The following PPP2R3A variants were observed in gnomAD, a reference collection of about 807,000 sequenced individuals.
PPP2R3A encodes the protein serine/threonine-protein phosphatase 2A regulatory subunit B'' subunit alpha.
A neutral mutation model predicts 106.9 loss-of-function variants in PPP2R3A; 80 were observed. That is an observed-to-expected ratio of 0.75 (90% confidence interval 0.62 to 0.90). PPP2R3A has a LOEUF of 0.90. PPP2R3A is among the 40% of genes least tolerant of loss of function. The pLI is 0.00. For synonymous variants in PPP2R3A, 483 were observed against 468.3 expected (o/e 1.03, Z -0.41); for missense variants, 1,386 against 1,350.4 (o/e 1.03, Z -0.41).
chr3:136,043,501 A>C (rs766978440), intron 4 of PPP2R3A, among the ~76,000 whole-genome samples: 40 of 152,170 alleles, frequency 2.6e-4, no homozygotes, highest in Admixed American at 1.8e-3. Context: ...CTCATGTCAG[A>C]CTGCTCATGG....
chr3:136,125,875 CA>C (rs1186484755), intron 13 of PPP2R3A, among the ~76,000 whole-genome samples: 8 of 152,146 alleles, frequency 5.3e-5, no homozygotes, highest in Admixed American at 4.6e-4. Flanking sequence ...GAAAAAATGA[CA>C]AAAAGCACAT....
chr3:136,143,446 A>G (rs1013730769), intron 13 of PPP2R3A, among the ~76,000 whole-genome samples: 3 of 151,788 alleles, frequency 2.0e-5, no homozygotes, highest in African/African-American at 7.3e-5. Flanking sequence ...AACCAAGATC[A>G]TGCCACTGCA....
intron 2 of PPP2R3A, among the ~76,000 whole-genome samples, chr3:136,010,098 A>G (rs1431582919): frequency 1.3e-5 from 2 of 152,026 alleles, no homozygotes; most frequent in Admixed American, 1.3e-4. Flanking sequence ...ACCCTCAGCT[A>G]ATCTTGTTTC....
intron 13 of PPP2R3A, chr3:136,106,697 G>C: frequency 5.2e-6 from 1 of 191,426 alleles, no homozygotes; most frequent in Non-Finnish European, 1.1e-5. Context: ...CGAGGCGGGT[G>C]GATAACCAGA....
At chr3:136,004,868 A>T (rs1238392041) in intron 2 of PPP2R3A, among the ~76,000 whole-genome samples, 1 of 152,140 alleles carries the variant, frequency 6.6e-6, no homozygotes, top group Non-Finnish European at 1.5e-5. Flanking sequence ...TTATATTCTT[A>T]AATATTACGT....
chr3:136,079,780 G>C (rs2107926170), intron 7 of PPP2R3A, among the ~76,000 whole-genome samples: 1 of 150,586 alleles, frequency 6.6e-6, no homozygotes, highest in Non-Finnish European at 1.5e-5. Context: ...AAAATTTGAG[G>C]CCCAAATATA....
chr3:136,049,461 C>G (rs1935598421), intron 5 of PPP2R3A, 100 bp downstream of exon 5: 1 of 776,466 alleles, frequency 1.3e-6, no homozygotes, highest in African/African-American at 1.7e-5. Flanking sequence ...CTACACAGAT[C>G]TAGATATCAG....
intron 7 of PPP2R3A, among the ~76,000 whole-genome samples, chr3:136,080,295 T>G (rs1936740970): frequency 6.6e-6 from 1 of 152,236 alleles, no homozygotes; most frequent in South Asian, 2.1e-4. Context: ...CCAAATCGTT[T>G]TCAGATTTCC....
Position 135,990,786 on chromosome 3 carries a change from C to G in PPP2R3A, c.-440-10273C>G, listed in dbSNP as rs945662870. 3.3e-5 allele frequency among the ~76,000 whole-genome samples: 5 copies of G among 152,036 alleles called. 1 individual carries two copies. The Admixed American group carries it at 3.3e-4, about 10-fold the overall frequency. ...GACTCTTCTGAGGCCTTCTACCTGG[C>G]CTACCTAGCTTCATCTTGTGTCCTC... On this transcript the variant is annotated intron_variant, in intron 1 of 13. Coordinates refer to ENST00000264977, the MANE Select transcript of PPP2R3A (RefSeq NM_002718.5).
intron 13 of PPP2R3A, among the ~76,000 whole-genome samples, chr3:136,117,280 A>C (rs553495061): frequency 6.6e-6 from 1 of 152,368 alleles, no homozygotes; most frequent in South Asian, 2.1e-4. Context: ...CCACAAGAGA[A>C]AGCAGGAAAG....
At position 136,002,274 on chromosome 3, in the gene PPP2R3A, G is replaced by T. The variant is rs745672896; in HGVS notation, c.776G>T (p.Gly259Val). 1 of 1,613,842 alleles carries T rather than the reference G, an allele frequency of 6.2e-7. No individual in the cohort carries two copies. The highest frequency in any genetic ancestry group is 8.5e-7 in the Non-Finnish European group (1 of 1,179,922). ...IIKQCIKKKSGSSISEGSGND... is the reference protein window; with the variant it reads ...IIKQCIKKKSVSSISEGSGND... ...AAACAATGCATAAAGAAAAAATCAG[G>T]GAGTAGCATCAGTGAAGGAAGTGGT... Residue 259 changes from glycine (G) to valine (V), a missense_variant, in exon 2 of 14, where the codon GGG (glycine) becomes GTG (valine). Transcript: ENST00000264977.
chr3:136,040,869 G>A lies in PPP2R3A; in HGVS notation c.2273G>A (p.Cys758Tyr). 1 of 1,612,286 alleles carries A rather than the reference G, an allele frequency of 6.2e-7. No homozygotes were observed. The highest frequency in any genetic ancestry group is 8.5e-7 in the Non-Finnish European group (1 of 1,179,282). ...GTTTTCTATTTGCAGGTCTGTGGCTGTCCTCTCTATTGGAAAGCCCCCATG... is the reference window on the plus strand; with the variant it reads ...GTTTTCTATTTGCAGGTCTGTGGCTATCCTCTCTATTGGAAAGCCCCCATG... The part of the protein sequence containing the change: ...EMGKIAKVCG[C>Y]PLYWKAPMFR... Residue 758 changes from cysteine (C) to tyrosine (Y), a missense_variant, in exon 4 of 14, where the codon TGT (cysteine) becomes TAT (tyrosine). Cys to Tyr is a radical substitution (Grantham distance 194). Coordinates refer to ENST00000264977, the MANE Select transcript of PPP2R3A (RefSeq NM_002718.5).
intron 4 of PPP2R3A, among the ~76,000 whole-genome samples, chr3:136,048,789 T>C (rs1935565600): frequency 6.6e-6 from 1 of 151,916 alleles, no homozygotes; most frequent in African/African-American, 2.4e-5. Flanking sequence ...AGCCTAAGCA[T>C]GGATATTGGC....
intron 1 of PPP2R3A, among the ~76,000 whole-genome samples, chr3:135,973,583 G>T (rs1056892559): frequency 6.6e-6 from 1 of 152,148 alleles, no homozygotes; most frequent in Non-Finnish European, 1.5e-5. Flanking sequence ...GTTGAATTCT[G>T]TTGCTATTCC....
At chr3:136,028,096 C>G (rs1934732531) in intron 3 of PPP2R3A, among the ~76,000 whole-genome samples, 2 of 152,204 alleles carry the variant, frequency 1.3e-5, no homozygotes. Flanking sequence ...CCCTCTTGCC[C>G]TCTCATAGGC....
rs1936660333 is a variant in PPP2R3A, at chr3:136,078,275, A to G, written c.2545-92A>G. On this transcript the variant is annotated intron_variant, in intron 6 of 13. Coordinates refer to ENST00000264977, the MANE Select transcript of PPP2R3A (RefSeq NM_002718.5). ...ACATAATCAAAAAGCTAAAAGTTAA[A>G]TTGGTCCCAAGTATGTTCATAAAAT... 14 of 839,114 alleles carry G rather than the reference A, an allele frequency of 1.7e-5. No individual in the cohort carries two copies. In the Middle Eastern group the frequency reaches 1.1e-3, roughly 66 times the overall value. 52.0% of individuals were successfully genotyped at this position (839,114 alleles called of 1,614,324 possible). A position where few individuals can be genotyped will look rare whatever the true frequency, so the allele number is the denominator to read the frequency against.
chr3:136,075,365 CAAT>C lies in PPP2R3A; in HGVS notation c.2545-2998_2545-2996del, dbSNP rs537319311. On this transcript the variant is annotated intron_variant, in intron 6 of 13. Transcript: ENST00000264977. ...ACCTAGAAGAGAGCAGTTAGAAAAA[CAAT>C]AATTAGTGTAGAGTCAGCAGCTACA... Among the ~76,000 whole-genome samples, 35 of 152,158 alleles carry C rather than the reference CAAT, an allele frequency of 2.3e-4. No individual in the cohort carries two copies. The East Asian group carries it at 5.0e-3, about 22-fold the overall frequency.
intron 13 of PPP2R3A, among the ~76,000 whole-genome samples, chr3:136,123,793 A>C (rs1213898748): frequency 2.6e-5 from 4 of 152,262 alleles, no homozygotes; most frequent in Admixed American, 2.6e-4. Flanking sequence ...TAGATAAGTC[A>C]ACAATTACAG....
chr3:136,087,301 C>CTCTCTCTCTCTCTCTCTCTCT (rs1357086259), intron 8 of PPP2R3A, among the ~76,000 whole-genome samples: 2 of 146,152 alleles, frequency 1.4e-5, no homozygotes, highest in Admixed American at 6.9e-5. Flanking sequence ...CTCTCTCTCA[C>CTCTCTCTCTCTCTCTCTCTCT]CAACATGCTA....
Sources: gnomAD v4.1 joint callset for allele counts (sites outside exome capture counted in the v4.1 genomes callset) on GRCh38, gnomAD v4.1.1 for gene constraint, MANE v1.5 for transcripts, NCBI Gene and HGNC (gene_info 2026-07-23, HGNC 2026-07-21) for gene names.